Variants in PTPRD observed in about 807,000 individuals in gnomAD.
The protein encoded by PTPRD is receptor-type tyrosine-protein phosphatase delta.
In PTPRD, 34 loss-of-function variants were observed where a neutral mutation model predicts 214.5. The observed-to-expected ratio is 0.16, with a 90% confidence interval of 0.12 to 0.21. The LOEUF (loss-of-function observed/expected upper bound fraction) is 0.21, where lower values mean the gene tolerates loss of function less well. Among genes scored for constraint, PTPRD ranks in the 10% least tolerant of loss-of-function variants. The pLI, the probability that PTPRD is intolerant of heterozygous loss-of-function variation, is 1.00. For missense variants in PTPRD, 2,545 were observed against 2,398.7 expected (o/e 1.06, Z -1.27); for synonymous variants, 1,128 against 845.7 (o/e 1.33, Z -5.79).
rs1331914186 is a variant in PTPRD, at chr9:8,796,204, T to G, written c.-103-62258A>C. 3.3e-5 allele frequency among the ~76,000 whole-genome samples: 5 copies of G among 152,256 alleles called. No homozygotes were observed. In the East Asian group the frequency reaches 5.8e-4, roughly 18 times the overall value. On this transcript the variant is annotated intron_variant, in intron 11 of 45. Coordinates refer to ENST00000381196, the MANE Select transcript of PTPRD (RefSeq NM_002839.4). ...AAAAACATATAGATGAAGGGATAAT[T>G]AGAGATGAACTGCCCCAATTCTTAA...
chr9:10,106,548 GAAACA>G (rs1402474597), intron 3 of PTPRD, among the ~76,000 whole-genome samples: 1 of 151,802 alleles, frequency 6.6e-6, no homozygotes, highest in African/African-American at 2.4e-5. Context: ...TAAACAAAAT[GAAACA>G]AAACAAAAGT....
chr9:8,422,147 CAAAAAAAAAAAAAAAAAAA>C (rs768623202), intron 35 of PTPRD, among the ~76,000 whole-genome samples: 2 of 33,990 alleles, frequency 5.9e-5, no homozygotes, highest in African/African-American at 1.9e-4. Context: ...ACCCTGTCTC[CAAAAAAAAAAAAAAAAAAA>C]AAAAAAAAAG....
chr9:10,509,629 T>A (rs904839824), intron 2 of PTPRD, among the ~76,000 whole-genome samples: 1 of 144,850 alleles, frequency 6.9e-6, no homozygotes, highest in African/African-American at 2.6e-5. Flanking sequence ...CCAGGTACAT[T>A]TGGCGTTTTT....
At position 10,268,343 on chromosome 9, in the gene PTPRD, A is replaced by AT. The variant is rs1184142941; in HGVS notation, c.-545+72619dup. On this transcript the variant is annotated intron_variant, in intron 3 of 45. Coordinates refer to ENST00000381196, the MANE Select transcript of PTPRD (RefSeq NM_002839.4). ...AACGATAATAATAATAATAGTGGTT[A>AT]TAACAGAGGGGCAGCATTTTTTATT... Among the ~76,000 whole-genome samples, 3 of 151,008 alleles carry AT rather than the reference A, an allele frequency of 2.0e-5. No individual in the cohort carries two copies. In the East Asian group the frequency reaches 5.8e-4, roughly 29 times the overall value.
At chr9:10,298,730 G>A (rs2095766696) in intron 3 of PTPRD, among the ~76,000 whole-genome samples, 1 of 151,844 alleles carries the variant, frequency 6.6e-6, no homozygotes, top group Non-Finnish European at 1.5e-5. Context: ...AGCACAGTCT[G>A]AAAGACATAC....
chr9:10,303,135 G>T (rs1420623632), intron 3 of PTPRD, among the ~76,000 whole-genome samples: 1 of 152,014 alleles, frequency 6.6e-6, no homozygotes, highest in Non-Finnish European at 1.5e-5. Flanking sequence ...CTACATATAA[G>T]CTGAACAATG....
chr9:10,098,048 G>A (rs1041615941), intron 3 of PTPRD, among the ~76,000 whole-genome samples: 6 of 151,760 alleles, frequency 4.0e-5, no homozygotes, highest in Admixed American at 2.0e-4. Flanking sequence ...GCACACGTAT[G>A]TTTATTGCGG....
chr9:8,436,047 T>C (rs1216747219), intron 35 of PTPRD, among the ~76,000 whole-genome samples: 1 of 152,232 alleles, frequency 6.6e-6, no homozygotes, highest in African/African-American at 2.4e-5. Flanking sequence ...ATTTGGCACC[T>C]ATTTGGTATG....
chr9:8,385,985 G>C (rs1400208157), intron 37 of PTPRD, among the ~76,000 whole-genome samples: 2 of 152,176 alleles, frequency 1.3e-5, no homozygotes, highest in Non-Finnish European at 1.5e-5. Flanking sequence ...TGGGAACACA[G>C]AGTGAATTAT....
intron 2 of PTPRD, among the ~76,000 whole-genome samples, chr9:10,607,584 T>TC (rs1408973111): frequency 2.6e-5 from 4 of 151,896 alleles, no homozygotes; most frequent in Admixed American, 2.6e-4. Context: ...CTCCCAGACT[T>TC]CAGTGATTTA....
chr9:9,464,028 C>G (rs769337739), intron 8 of PTPRD, among the ~76,000 whole-genome samples: 3 of 152,168 alleles, frequency 2.0e-5, no homozygotes, highest in Non-Finnish European at 4.4e-5. Context: ...CCTGTTTTCT[C>G]AAACATGGTT....
chr9:9,559,677 C>G (rs778296064), intron 8 of PTPRD, among the ~76,000 whole-genome samples: 9 of 152,202 alleles, frequency 5.9e-5, no homozygotes, highest in African/African-American at 2.2e-4. Flanking sequence ...AGCAACACTG[C>G]GAAAGTCCAC....
chr9:9,861,926 G>T (rs901602660), intron 5 of PTPRD, among the ~76,000 whole-genome samples: 4 of 152,114 alleles, frequency 2.6e-5, no homozygotes, highest in Non-Finnish European at 2.9e-5. Flanking sequence ...TCTGGTTAAA[G>T]AATTTGCCAT....
rs757127997 is a variant in PTPRD at position 10,060,984 on chromosome 9, GCTTT to G, written c.-544-27198_-544-27195del. Among the ~76,000 whole-genome samples the G allele has an allele frequency of 3.1e-4, 37 of 119,080 alleles. No homozygotes were observed. In the South Asian group the frequency reaches 6.5e-3, roughly 21 times the overall value. 78.1% of individuals were successfully genotyped at this position (119,080 alleles called of 152,430 possible). A position where few individuals can be genotyped will look rare whatever the true frequency, so the allele number is the denominator to read the frequency against. On this transcript the variant is annotated intron_variant, in intron 3 of 45. Transcript: ENST00000381196. ...TTCCTTTCTTCCTTTCTGTCTTCTTGCTTTCTTTCTTTCCTCTCTTTCTGTCTCT... is the reference window on the plus strand; with the variant it reads ...TTCCTTTCTTCCTTTCTGTCTTCTTGCTTTCTTTCCTCTCTTTCTGTCTCT...
intron 3 of PTPRD, among the ~76,000 whole-genome samples, chr9:10,261,248 C>T (rs1215939434): frequency 6.6e-6 from 1 of 151,424 alleles, no homozygotes; most frequent in Non-Finnish European, 1.5e-5. Flanking sequence ...CACCTGCTAT[C>T]AAATGAATCT....
intron 2 of PTPRD, among the ~76,000 whole-genome samples, chr9:10,388,899 G>A (rs960609142): frequency 5.3e-5 from 8 of 151,690 alleles, no homozygotes; most frequent in South Asian, 2.1e-4. Flanking sequence ...ATAACCAATT[G>A]TAAGTATTAT....
intron 2 of PTPRD, among the ~76,000 whole-genome samples, chr9:10,469,194 C>A (rs748897836): frequency 5.3e-5 from 8 of 152,014 alleles, no homozygotes; most frequent in Non-Finnish European, 1.2e-4. Context: ...GTTGCCCATA[C>A]AGAAAACAAC....
intron 8 of PTPRD, among the ~76,000 whole-genome samples, chr9:9,560,323 C>A (rs2082583362): frequency 6.6e-6 from 1 of 152,198 alleles, no homozygotes; most frequent in Non-Finnish European, 1.5e-5. Flanking sequence ...ACAGGGCGAG[C>A]CTGCAAGAAC....
intron 4 of PTPRD, among the ~76,000 whole-genome samples, chr9:10,017,883 T>A (rs2096755855): frequency 6.6e-6 from 1 of 152,108 alleles, no homozygotes; most frequent in South Asian, 2.1e-4. Context: ...AAATGAAGAT[T>A]AAAAACATTT....
Sources: allele counts gnomAD v4.1 joint callset (sites outside exome capture counted in the v4.1 genomes callset), GRCh38; gene constraint gnomAD v4.1.1; transcripts MANE v1.5; gene names NCBI Gene and HGNC (gene_info 2026-07-23, HGNC 2026-07-21).